HECTD4: variants seen among roughly 807,000 people sequenced by gnomAD.
The protein encoded by HECTD4 is HECT domain E3 ubiquitin protein ligase 4.
A neutral mutation model predicts 471.5 loss-of-function variants in HECTD4; 114 were observed. That is an observed-to-expected ratio of 0.24 (90% CI 0.21 to 0.28). The LOEUF (loss-of-function observed/expected upper bound fraction) is 0.28, where lower values mean the gene tolerates loss of function less well. Among genes scored for constraint, HECTD4 ranks in the 10% least tolerant of loss-of-function variants. The pLI, the probability that HECTD4 is intolerant of heterozygous loss-of-function variation, is 1.00. For missense variants in HECTD4, 3,866 were observed against 5,651.5 expected, an observed-to-expected ratio of 0.68 and a Z score of 10.13; for synonymous variants, 2,012 against 2,256.0, an observed-to-expected ratio of 0.89 and a Z score of 3.07.
chr12:112,306,185 G>A lies in HECTD4; in HGVS notation c.1214C>T (p.Thr405Ile). 6.2e-7 allele frequency: 1 copy of A among 1,602,258 alleles called. No individual in the cohort carries two copies. Among genetic ancestry groups the A allele is most frequent in the South Asian group, 1.1e-5 (1 of 88,550 alleles). Reference sequence around the variant, plus strand: ...TGAAGACAGGTGCACAGTGCTCATGGTGCTGCCAATGGGGAGGTGATTGGC... The same window carrying A: ...TGAAGACAGGTGCACAGTGCTCATGATGCTGCCAATGGGGAGGTGATTGGC... ...MPANHLPIGSTMSTVHLSSDG... is the reference protein window; with the variant it reads ...MPANHLPIGSIMSTVHLSSDG... The change falls in exon 7 of 76, where the codon ACC becomes ATC. Residue 405 changes from threonine (T) to isoleucine (I), a missense_variant. Around this residue, in one of 16 missense-constraint regions of HECTD4, gnomAD observed 440 missense variants for 636.0 expected, o/e 0.69. Coordinates refer to ENST00000682272, the MANE Select transcript of HECTD4 (RefSeq NM_001388303.1).
intron 49 of HECTD4, among the ~76,000 whole-genome samples, chr12:112,210,750 A>G (rs1029704714): frequency 6.6e-6 from 1 of 152,224 alleles, no homozygotes; most frequent in East Asian, 1.9e-4. Context: ...GATTACATAC[A>G]TACACATGCA....
chr12:112,172,839 G>A lies in HECTD4; in HGVS notation c.11617C>T (p.His3873Tyr), dbSNP rs192881359. Reference protein sequence around the residue: ...FERCACIDVRHAQKASRKWTL... With the variant: ...FERCACIDVRYAQKASRKWTL... ...CACTTTCTTGAGGCCTTCTGTGCAT[G>A]TCGGACATCGATGCATGCGCACCTT... Residue 3873 changes from histidine (H) to tyrosine (Y), a missense_variant, in exon 67 of 76, where the codon CAT (histidine) becomes TAT (tyrosine). Physicochemically the swap from His to Tyr is moderately conservative, Grantham distance 83. Coordinates refer to ENST00000682272, the MANE Select transcript of HECTD4 (RefSeq NM_001388303.1). The A allele has an allele frequency of 3.7e-6, 6 of 1,613,998 alleles. No homozygotes were observed. The Admixed American group carries it at 5.0e-5, about 13-fold the overall frequency.
chr12:112,366,346 A>C (rs2036557289), intron 1 of HECTD4, among the ~76,000 whole-genome samples: 1 of 151,950 alleles, frequency 6.6e-6, no homozygotes, highest in Admixed American at 6.6e-5. Context: ...CCATGTCTAC[A>C]AAAAAATTTT....
At chr12:112,253,201 T>C (rs1331802062) in intron 22 of HECTD4, among the ~76,000 whole-genome samples, 2 of 152,066 alleles carry the variant, frequency 1.3e-5, no homozygotes, top group Non-Finnish European at 2.9e-5. Flanking sequence ...CTTGACTCAC[T>C]GCAACCTCCA....
intron 1 of HECTD4, among the ~76,000 whole-genome samples, chr12:112,346,472 C>T (rs1400129602): frequency 2.0e-5 from 3 of 152,160 alleles, no homozygotes; most frequent in Admixed American, 6.6e-5. Context: ...TCGACTGCCA[C>T]TCAAACTTTT....
intron 1 of HECTD4, among the ~76,000 whole-genome samples, chr12:112,320,260 G>A (rs1019926888): frequency 2.0e-5 from 3 of 152,064 alleles, no homozygotes; most frequent in Non-Finnish European, 1.5e-5. Flanking sequence ...GCTAAAGCCC[G>A]GGAAGTAGAG....
Position 112,163,118 on chromosome 12 carries a change from G to T in HECTD4, c.13044C>A (p.Pro4348=). ...CAGTGTCGGGACCCCCATCTTTGCA[G>T]GGGCAGGTGAACGGGATGCGCTCCT... ...CNQERIPFTC[P]CKDGGPDTAH... The change falls in exon 75 of 76, where the codon CCC becomes CCA. Residue 4348 remains proline, a synonymous_variant. Coordinates refer to ENST00000682272, the MANE Select transcript of HECTD4 (RefSeq NM_001388303.1). This position sits in a 1 kb window ranked among gnomAD's most constrained non-coding sequence, Gnocchi z 8.2. 6.2e-7 allele frequency: 1 copy of T among 1,614,022 alleles called. No individual in the cohort carries two copies. The highest frequency in any genetic ancestry group is 8.5e-7 in the Non-Finnish European group (1 of 1,179,882).
At chr12:112,192,846 G>T in intron 58 of HECTD4, 81 bp from the exon 59 acceptor site, 1 of 1,305,522 alleles carries the variant, frequency 7.7e-7, no homozygotes, top group Non-Finnish European at 1.1e-6. Context: ...TCTCACCAGG[G>T]GACGTTAGAT....
intron 1 of HECTD4, among the ~76,000 whole-genome samples, chr12:112,366,037 A>AC (rs2036551325): frequency 6.6e-6 from 1 of 151,960 alleles, no homozygotes; most frequent in Non-Finnish European, 1.5e-5. Flanking sequence ...CAGCCTCCCA[A>AC]AGTGCTGGGA....
intron 55 of HECTD4, among the ~76,000 whole-genome samples, chr12:112,200,272 G>A (rs753626928): frequency 4.0e-5 from 6 of 151,724 alleles, no homozygotes; most frequent in Non-Finnish European, 5.9e-5. Flanking sequence ...TCCTGCCTTA[G>A]CCTCCAGAAT....
Position 112,359,964 on chromosome 12 carries a change from G to A in HECTD4, c.177+21988C>T, listed in dbSNP as rs144664546. 2.0e-3 allele frequency among the ~76,000 whole-genome samples: 312 copies of A among 152,268 alleles called. 2 individuals carry two copies. The highest frequency in any genetic ancestry group is 7.2e-3 in the African/African-American group (298 of 41,548). ...TACAAAGCCCAAAGAGAATTAAGAG[G>A]GAGGAATACGCACAGGTGCAACAAT... is the stretch of plus-strand genomic sequence containing the variant. On this transcript the variant is annotated intron_variant, in intron 1 of 75. Transcript: ENST00000682272.
At chr12:112,279,080 G>T in intron 9 of HECTD4, 148 bp downstream of exon 9, 1 of 645,900 alleles carries the variant, frequency 1.5e-6, no homozygotes, top group Non-Finnish European at 2.6e-6. Context: ...AATCTTCCTA[G>T]CCTATTTGAT....
intron 1 of HECTD4, chr12:112,323,197 C>T (rs1465816356): frequency 6.5e-6 from 1 of 153,050 alleles, no homozygotes; most frequent in African/African-American, 2.4e-5. Flanking sequence ...AGTAGTGAGA[C>T]CTTGTCTCTA....
intron 1 of HECTD4, among the ~76,000 whole-genome samples, chr12:112,327,147 T>G (rs2035760969): frequency 6.6e-6 from 1 of 152,038 alleles, no homozygotes; most frequent in Admixed American, 6.6e-5. Flanking sequence ...TGAAACCCCG[T>G]CTCTACTAAG....
rs533404844 is a variant in HECTD4, at chr12:112,246,281, C to G, written c.4513+620G>C. On this transcript the variant is annotated intron_variant, in intron 29 of 75. Transcript: ENST00000682272. Reference sequence around the variant, plus strand: ...CTTCAAGTAAAGAGGAAAAAAGTTACAAGATTTATGATGTTGACTAATTGT... The same window carrying G: ...CTTCAAGTAAAGAGGAAAAAAGTTAGAAGATTTATGATGTTGACTAATTGT... Among the ~76,000 whole-genome samples, 14 of 152,070 alleles carry G rather than the reference C, an allele frequency of 9.2e-5. No individual in the cohort carries two copies. The South Asian group carries it at 2.9e-3, about 32-fold the overall frequency.
rs940159358 is a variant in HECTD4 at position 112,315,852 on chromosome 12, C to T, written c.696-1306G>A. On this transcript the variant is annotated intron_variant, in intron 2 of 75. Coordinates refer to ENST00000682272, the MANE Select transcript of HECTD4 (RefSeq NM_001388303.1). The stretch of plus-strand genomic sequence containing the variant: ...TCAAGGTTGCAGTGAGCTATGATCA[C>T]ACCACTGCACTCCAGCCTAGGCAAC... 5.6e-4 allele frequency among the ~76,000 whole-genome samples: 79 copies of T among 140,142 alleles called. 2 individuals are homozygous for T. The highest frequency in any genetic ancestry group is 9.0e-5 in the Non-Finnish European group (6 of 66,360). 91.9% of individuals were successfully genotyped at this position (140,142 alleles called of 152,430 possible).
Position 112,163,861 on chromosome 12 carries a change from G to T in HECTD4, c.12702-124C>A, listed in dbSNP as rs1267128645. On this transcript the variant is annotated intron_variant, in intron 73 of 75. Transcript: ENST00000682272. This position sits in a 1 kb window ranked among gnomAD's most constrained non-coding sequence, Gnocchi z 8.2. Reference sequence around the variant, plus strand: ...GAGAGGCCTGGGGCCCAGCCGCCCTGGTCATCCCAGTCCTTTCCTGCCTCT... The same window carrying T: ...GAGAGGCCTGGGGCCCAGCCGCCCTTGTCATCCCAGTCCTTTCCTGCCTCT... 7 of 951,908 alleles carry T rather than the reference G, an allele frequency of 7.4e-6. No individual in the cohort carries two copies. The highest frequency in any genetic ancestry group is 1.0e-5 in the Non-Finnish European group (7 of 682,494). 59.0% of individuals were successfully genotyped at this position (951,908 alleles called of 1,614,324 possible).
At chr12:112,210,915 A>G (rs538039791) in intron 49 of HECTD4, among the ~76,000 whole-genome samples, 1 of 152,346 alleles carries the variant, frequency 6.6e-6, no homozygotes, top group East Asian at 1.9e-4. Flanking sequence ...TATTTGTTGA[A>G]TGCATGAATG....
rs1164713966 is a variant in HECTD4 at position 112,243,529 on chromosome 12, A to G, written c.4792-10T>C. The G allele has an allele frequency of 5.0e-6, 8 of 1,602,860 alleles. No individual in the cohort carries two copies. The highest frequency in any genetic ancestry group is 1.3e-5 in the African/African-American group (1 of 74,636). ...AACTGCTGCTGGACACCTGAAACAC[A>G]CAAGGAGGGACACCTGACTCCTGCT... On this transcript the variant is annotated splice_polypyrimidine_tract_variant and intron_variant, in intron 31 of 75. Transcript: ENST00000682272. The surrounding 1 kb of genome is among the most constrained non-coding windows in gnomAD (Gnocchi z 6.6).
Sources: gnomAD v4.1 joint callset for allele counts (sites outside exome capture counted in the v4.1 genomes callset) on GRCh38, gnomAD v4.1.1 for gene constraint, gnomAD v4.1.1 regional missense constraint, Gnocchi (gnomAD v3.1) non-coding constraint, MANE v1.5 for transcripts, NCBI Gene and HGNC (gene_info 2026-07-23, HGNC 2026-07-21) for gene names.